Variants in ATXN7L1 observed in about 807,000 individuals in gnomAD.
ATXN7L1 encodes the protein ataxin-7-like protein 1.
Under a neutral mutation model 70.8 loss-of-function variants are expected in ATXN7L1, and 15 were observed. The ratio of observed to expected loss-of-function variants is 0.21; its 90% CI spans 0.14 to 0.33. The LOEUF is 0.33. Among genes scored for constraint, ATXN7L1 ranks in the 10% least tolerant of loss-of-function variants. The probability of loss-of-function intolerance (pLI) is 1.00; values close to 1 mark genes in which losing one functional copy is unlikely to be tolerated. For missense variants in ATXN7L1, 975 were observed against 1,097.1 expected (o/e 0.89, Z 1.57); for synonymous variants, 440 against 445.1 (o/e 0.99, Z 0.14).
At position 105,614,480 on chromosome 7, in the gene ATXN7L1, T is replaced by C. The variant is rs753673123; in HGVS notation, c.1854A>G (p.Pro618=). 26 of 1,535,562 alleles carry C rather than the reference T, an allele frequency of 1.7e-5. No individual in the cohort carries two copies. In the South Asian group the frequency reaches 3.0e-4, roughly 17 times the overall value. The change falls in exon 10 of 12, where the codon CCA becomes CCG. Residue 618 remains proline, a synonymous_variant. Transcript: ENST00000419735. The surrounding 1 kb of genome is among the most constrained non-coding windows in gnomAD (Gnocchi z 4.3). ...PAVIPSPSHK[P]SKTKTSKSSK... ...AGGATTTGCTGGTTTTGGTTTTGGA[T>C]GGCTTGTGGGATGGGGAAGGGATGA...
chr7:105,860,336 T>A (rs528922635), intron 2 of ATXN7L1, among the ~76,000 whole-genome samples: 45 of 152,042 alleles, frequency 3.0e-4, no homozygotes, highest in East Asian at 2.1e-3. Context: ...AAACTTTAGG[T>A]GCTCAAAGAT....
At chr7:105,682,188 C>G (rs1457436564) in intron 3 of ATXN7L1, among the ~76,000 whole-genome samples, 1 of 151,960 alleles carries the variant, frequency 6.6e-6, no homozygotes, top group Non-Finnish European at 1.5e-5. Context: ...TCACTGTACT[C>G]CATCCAGCCT....
chr7:105,692,750 T>C (rs1791175057), intron 3 of ATXN7L1, among the ~76,000 whole-genome samples: 1 of 151,798 alleles, frequency 6.6e-6, no homozygotes, highest in Non-Finnish European at 1.5e-5. Flanking sequence ...CCCAGCTCTT[T>C]CTTTTTTAGA....
In ATXN7L1 at chr7:105,757,578, ATT is replaced by A. The variant is rs34846815; in HGVS notation, c.355+31024_355+31025del. On this transcript the variant is annotated intron_variant, in intron 3 of 11. Transcript: ENST00000419735. ...TTACCATCCTAGTCTACCTTTCTGT[ATT>A]TTTTTTTTTTTTTTTTTTGAGACAG... 1.6e-3 allele frequency among the ~76,000 whole-genome samples: 97 copies of A among 62,420 alleles called. 1 individual carries two copies. Among genetic ancestry groups the A allele is most frequent in the African/African-American group, 4.1e-3 (69 of 16,632 alleles). The allele number at this position is 62,420 out of a possible 152,430, so 40.9% of individuals were successfully genotyped here. A position where few individuals can be genotyped will look rare whatever the true frequency, so the allele number is the denominator to read the frequency against.
rs73717205 is a variant in ATXN7L1 at position 105,613,722 on chromosome 7, G to A, written c.2472+140C>T. On this transcript the variant is annotated intron_variant, in intron 10 of 11. Transcript: ENST00000419735. ...TTCAGTAAAGTGCTCTCAAAGCAGA[G>A]GGTGAAAACTGCCTTCGGGGAAAAC... 5,328 of 1,511,384 alleles carry A rather than the reference G, an allele frequency of 3.5e-3. 164 individuals carry two copies. In the African/African-American group the frequency reaches 0.063, roughly 18 times the overall value. 93.6% of individuals were successfully genotyped at this position (1,511,384 alleles called of 1,614,324 possible).
intron 2 of ATXN7L1, among the ~76,000 whole-genome samples, chr7:105,829,627 C>T (rs536868880): frequency 9.8e-5 from 15 of 152,310 alleles, no homozygotes; most frequent in Non-Finnish European, 2.1e-4. Flanking sequence ...TTGAGAAGAT[C>T]CACACTACTG....
At chr7:105,726,951 A>G (rs1795886963) in intron 3 of ATXN7L1, among the ~76,000 whole-genome samples, 1 of 152,266 alleles carries the variant, frequency 6.6e-6, no homozygotes, top group African/African-American at 2.4e-5. Flanking sequence ...ACTGGAAATC[A>G]TCACAGCATG....
At chr7:105,750,775 C>T (rs1799116081) in intron 3 of ATXN7L1, among the ~76,000 whole-genome samples, 1 of 152,124 alleles carries the variant, frequency 6.6e-6, no homozygotes, top group South Asian at 2.1e-4. Flanking sequence ...TGGACCCCAG[C>T]CTGGGCGACA....
At chr7:105,845,704 T>C (rs1296899170) in intron 2 of ATXN7L1, among the ~76,000 whole-genome samples, 1 of 152,190 alleles carries the variant, frequency 6.6e-6, no homozygotes, top group Non-Finnish European at 1.5e-5. Flanking sequence ...CATTAGGATA[T>C]ATAGATCAAT....
At chr7:105,818,503 T>G (rs907396379) in intron 2 of ATXN7L1, among the ~76,000 whole-genome samples, 5 of 152,222 alleles carry the variant, frequency 3.3e-5, no homozygotes, top group Non-Finnish European at 7.4e-5. Context: ...AGGCTTAGAA[T>G]GTTCAAAGTG....
At chr7:105,639,921 T>C (rs1386522570) in intron 5 of ATXN7L1, among the ~76,000 whole-genome samples, 1 of 152,244 alleles carries the variant, frequency 6.6e-6, no homozygotes, top group Admixed American at 6.5e-5. Context: ...CTTGCAATGG[T>C]TCCACAGGTC....
chr7:105,627,837 T>A (rs1402007738), intron 7 of ATXN7L1, among the ~76,000 whole-genome samples: 3 of 129,864 alleles, frequency 2.3e-5, no homozygotes. Context: ...CGGTCCTGTC[T>A]TTAGTTTTTT....
intron 3 of ATXN7L1, chr7:105,761,162 T>C: frequency 7.9e-7 from 1 of 1,263,118 alleles, no homozygotes; most frequent in Non-Finnish European, 1.0e-6. Flanking sequence ...GTGGTGAAAA[T>C]GAAGAGAAGA....
chr7:105,863,994 G>C (rs1817013870), intron 2 of ATXN7L1, among the ~76,000 whole-genome samples: 1 of 152,096 alleles, frequency 6.6e-6, no homozygotes, highest in African/African-American at 2.4e-5. Context: ...CCCTGAACCT[G>C]GATCTATAGA....
intron 3 of ATXN7L1, among the ~76,000 whole-genome samples, chr7:105,673,497 C>T (rs1394908495): frequency 4.6e-5 from 7 of 152,234 alleles, no homozygotes; most frequent in African/African-American, 1.7e-4. Flanking sequence ...AGCATGGAGT[C>T]TCCTTCAGCC....
At chr7:105,752,153 G>A (rs1383896143) in intron 3 of ATXN7L1, among the ~76,000 whole-genome samples, 2 of 152,144 alleles carry the variant, frequency 1.3e-5, no homozygotes, top group African/African-American at 2.4e-5. Flanking sequence ...GAACAATTGC[G>A]AATTCACAGG....
chr7:105,823,224 T>C (rs1305661583), intron 2 of ATXN7L1, among the ~76,000 whole-genome samples: 1 of 152,160 alleles, frequency 6.6e-6, no homozygotes, highest in African/African-American at 2.4e-5. Flanking sequence ...GTTTTCTATC[T>C]CCTACAAAGT....
rs1313609806 is a variant in ATXN7L1 at position 105,733,620 on chromosome 7, A to T, written c.355+54984T>A. 2.4e-3 allele frequency among the ~76,000 whole-genome samples: 309 copies of T among 130,518 alleles called. 37 individuals are homozygous for T. Among genetic ancestry groups the T allele is most frequent in the Middle Eastern group, 4.0e-3 (1 of 252 alleles). The allele number at this position is 130,518 out of a possible 152,430, so 85.6% of individuals were successfully genotyped here. On this transcript the variant is annotated intron_variant, in intron 3 of 11. Transcript: ENST00000419735. Reference sequence around the variant, plus strand: ...CATCCATCCACCCATCCATCCATCCATCCATCCATCCACCCATCCATCCAT... The same window carrying T: ...CATCCATCCACCCATCCATCCATCCTTCCATCCATCCACCCATCCATCCAT...
At chr7:105,696,433 G>A (rs943527081) in intron 3 of ATXN7L1, among the ~76,000 whole-genome samples, 7 of 152,166 alleles carry the variant, frequency 4.6e-5, no homozygotes, top group Non-Finnish European at 7.3e-5. Flanking sequence ...ATATTTCCAC[G>A]TAACATGTGA....
Sources: gnomAD v4.1 joint callset for allele counts (sites outside exome capture counted in the v4.1 genomes callset) on GRCh38, gnomAD v4.1.1 for gene constraint, Gnocchi (gnomAD v3.1) non-coding constraint, MANE v1.5 for transcripts, NCBI Gene and HGNC (gene_info 2026-07-23, HGNC 2026-07-21) for gene names.